The following CHGB variants were observed in gnomAD, a reference collection of about 807,000 sequenced individuals.
The protein encoded by CHGB is chromogranin B, also known as secretogranin-1.
CHGB carries 46 observed loss-of-function variants against 69.9 expected under a neutral mutation model. The ratio of observed to expected loss-of-function variants is 0.66; its 90% confidence interval spans 0.52 to 0.84. The LOEUF is 0.84. CHGB is among the 40% of genes least tolerant of loss of function. The pLI, the probability that CHGB is intolerant of heterozygous loss-of-function variation, is 0.00. For synonymous variants in CHGB, 312 were observed against 298.2 expected, an observed-to-expected ratio of 1.05 and a Z score of -0.48; for missense variants, 796 against 822.2, an observed-to-expected ratio of 0.97 and a Z score of 0.39.
In CHGB at chr20:5,911,669, C is replaced by T. The variant is rs1261353933; in HGVS notation, c.36C>T (p.Ala12=). ...CGCTGCTTCTCAGCCTCCTGGGAGC[C>T]GTGGGGCTGGCGGGTGAGTGGGCGC... The part of the protein sequence containing the change: ...QPTLLLSLLG[A]VGLAAVNSMP... Residue 12 remains alanine, a synonymous_variant, in exon 1 of 5, where the codon GCC becomes GCT. Coordinates refer to ENST00000378961, the MANE Select transcript of CHGB (RefSeq NM_001819.3). 7 of 1,488,718 alleles carry T rather than the reference C, an allele frequency of 4.7e-6. No individual in the cohort carries two copies. Among genetic ancestry groups the T allele is most frequent in the Non-Finnish European group, 6.2e-6 (7 of 1,124,312 alleles). The allele number at this position is 1,488,718 out of a possible 1,614,324, so 92.2% of individuals were successfully genotyped here. A position where few individuals can be genotyped will look rare whatever the true frequency, so the allele number is the denominator to read the frequency against.
At chr20:5,919,439 C>A (rs889855725) in intron 3 of CHGB, among the ~76,000 whole-genome samples, 1 of 152,142 alleles carries the variant, frequency 6.6e-6, no homozygotes, top group Admixed American at 6.5e-5. Flanking sequence ...AGACAAATAA[C>A]ACAAAAGAGT....
chr20:5,913,628 CTTTTTTTTTT>C (rs918275521), intron 1 of CHGB, among the ~76,000 whole-genome samples: 12 of 90,474 alleles, frequency 1.3e-4, no homozygotes, highest in African/African-American at 4.1e-4. Flanking sequence ...CTTTTCTTTT[CTTTTTTTTTT>C]TTTTTTTTTG....
At chr20:5,920,461 G>A (rs538088277) in intron 3 of CHGB, among the ~76,000 whole-genome samples, 22 of 152,344 alleles carry the variant, frequency 1.4e-4, no homozygotes, top group African/African-American at 5.3e-4. Flanking sequence ...CAAGATCAGA[G>A]TGTCTTATGA....
At chr20:5,924,154 T>C (rs946905585) in intron 4 of CHGB, 54 bp downstream of exon 4, 3 of 1,497,230 alleles carry the variant, frequency 2.0e-6, no homozygotes, top group Non-Finnish European at 2.7e-6. Context: ...TGTTAGCACA[T>C]TATGTTCAAG....
rs2122576375 is a variant in CHGB at position 5,922,558 on chromosome 20, G to A, written c.414G>A (p.Gln138=). 1 of 1,613,714 alleles carries A rather than the reference G, an allele frequency of 6.2e-7. No individual in the cohort carries two copies. Among genetic ancestry groups the A allele is most frequent in the East Asian group, 2.2e-5 (1 of 44,854 alleles). Residue 138 remains glutamine, a synonymous_variant, in exon 4 of 5, where the codon CAG becomes CAA. Transcript: ENST00000378961. ...GHSRERADEP[Q]WSLYPSDSQV... is the part of the protein sequence containing the mutation. ...GCCGAGAGCGAGCGGATGAGCCCCAGTGGAGCCTCTATCCCTCCGACAGCC... is the reference window on the plus strand; with the variant it reads ...GCCGAGAGCGAGCGGATGAGCCCCAATGGAGCCTCTATCCCTCCGACAGCC...
At position 5,911,642 on chromosome 20, in the gene CHGB, AAC is replaced by A; in HGVS notation, c.10_11del (p.Thr4AlafsTer21). On this transcript the variant is annotated frameshift_variant, in exon 1 of 5. Transcript: ENST00000378961. LOFTEE classifies it high-confidence loss of function. ...GGCCGCCGAGCGGGGCCATGCAGCCAACGCTGCTTCTCAGCCTCCTGGGAGCC... is the reference window on the plus strand; with the variant it reads ...GGCCGCCGAGCGGGGCCATGCAGCCAGCTGCTTCTCAGCCTCCTGGGAGCC... MQP[T>X]LLLSLLGAVG... The A allele has an allele frequency of 1.3e-6, 2 of 1,512,310 alleles. No homozygotes were observed. Among genetic ancestry groups the A allele is most frequent in the South Asian group, 2.4e-5 (2 of 82,406 alleles). 93.7% of individuals were successfully genotyped at this position (1,512,310 alleles called of 1,614,324 possible). A position where few individuals can be genotyped will look rare whatever the true frequency, so the allele number is the denominator to read the frequency against.
chr20:5,916,805 T>C, intron 2 of CHGB, 21 bp from the exon 3 acceptor site: 1 of 1,613,376 alleles, frequency 6.2e-7, no homozygotes, highest in Non-Finnish European at 8.5e-7. Flanking sequence ...TTCTCCAACC[T>C]GCTTTCGGGT....
Position 5,916,867 on chromosome 20 carries a change from G to A in CHGB, c.138G>A (p.Ser46=), listed in dbSNP as rs141825852. The A allele has an allele frequency of 2.0e-5, 32 of 1,614,122 alleles. No homozygotes were observed. In the African/African-American group the frequency reaches 2.3e-4, roughly 11 times the overall value. Residue 46 remains serine, a synonymous_variant, in exon 3 of 5, where the codon TCG becomes TCA. Transcript: ENST00000378961. ...TTGAGGTCCTCTCAAATGCCTTGTCGAAGTCCAGCGCTCCACCCATCACCC... is the reference window on the plus strand; with the variant it reads ...TTGAGGTCCTCTCAAATGCCTTGTCAAAGTCCAGCGCTCCACCCATCACCC... ...CIIEVLSNAL[S]KSSAPPITPE... is the part of the protein sequence containing the mutation.
chr20:5,922,289 C>T lies in CHGB; in HGVS notation c.191-46C>T, dbSNP rs764391000. The stretch of plus-strand genomic sequence containing the variant: ...ATTACTGAGGCTGGTGCTTGTGGAA[C>T]CACAAGCAATTCTGAAATTATACCT... On this transcript the variant is annotated intron_variant, in intron 3 of 4. Transcript: ENST00000378961. The T allele has an allele frequency of 4.0e-6, 6 of 1,495,008 alleles. No homozygotes were observed. In the African/African-American group the frequency reaches 5.6e-5, roughly 14 times the overall value. 92.6% of individuals were successfully genotyped at this position (1,495,008 alleles called of 1,614,324 possible).
At chr20:5,914,549 C>G (rs1275805120) in intron 1 of CHGB, 3 of 152,154 alleles carry the variant, frequency 2.0e-5, no homozygotes, top group African/African-American at 7.2e-5. Flanking sequence ...ACTGCATTAT[C>G]AAGAAGGCTT....
intron 1 of CHGB, among the ~76,000 whole-genome samples, chr20:5,915,156 T>C (rs1408464827): frequency 6.6e-6 from 1 of 152,176 alleles, no homozygotes; most frequent in Non-Finnish European, 1.5e-5. Flanking sequence ...GTAAATGCTT[T>C]GGGCTGTTCT....
At chr20:5,924,123 A>T in intron 4 of CHGB, 23 bp downstream of exon 4, 1 of 1,559,526 alleles carries the variant, frequency 6.4e-7, no homozygotes, top group East Asian at 2.3e-5. Context: ...GCTTCTGTTT[A>T]AAAGTACTTA....
chr20:5,923,687 A>G lies in CHGB; in HGVS notation c.1543A>G (p.Arg515Gly). ...TAGCTCCCATCACACAGCTGAAAAG[A>G]GGAAGAGATTAGGGGAACTGTTCAA... Reference protein sequence around the residue: ...QYSSHHTAEKRKRLGELFNPY... With the variant: ...QYSSHHTAEKGKRLGELFNPY... Residue 515 changes from arginine (R) to glycine (G), a missense_variant, in exon 4 of 5, where the codon AGG becomes GGG. By Grantham distance (125) the Arg-to-Gly change is moderately radical (BLOSUM62 -2). Transcript: ENST00000378961. 1 of 1,614,160 alleles carries G rather than the reference A, an allele frequency of 6.2e-7. No individual in the cohort carries two copies. The highest frequency in any genetic ancestry group is 8.5e-7 in the Non-Finnish European group (1 of 1,180,044).
chr20:5,918,163 A>AAAAAAACAAACAAACAAAC (rs2088489916), intron 3 of CHGB, among the ~76,000 whole-genome samples: 1 of 147,638 alleles, frequency 6.8e-6, no homozygotes, highest in African/African-American at 2.6e-5. Flanking sequence ...AAAAAAAAAA[A>AAAAAAACAAACAAACAAAC]AAAAAAAACT....
At position 5,923,706 on chromosome 20, in the gene CHGB, T is replaced by C. The variant is rs576806593; in HGVS notation, c.1562T>C (p.Leu521Pro). The change falls in exon 4 of 5, where the codon CTG becomes CCG. Residue 521 changes from leucine to proline, a missense_variant. By Grantham distance (98) the Leu-to-Pro change is moderately conservative (BLOSUM62 -3). This residue lies in a region of CHGB where 274 missense variants were observed against 298.9 expected (regional missense o/e 0.92). Coordinates refer to ENST00000378961, the MANE Select transcript of CHGB (RefSeq NM_001819.3). ...TAEKRKRLGE[L>P]FNPYYDPLQW... ...GAAAAGAGGAAGAGATTAGGGGAACTGTTCAACCCATACTACGACCCTCTC... is the reference window on the plus strand; with the variant it reads ...GAAAAGAGGAAGAGATTAGGGGAACCGTTCAACCCATACTACGACCCTCTC... 1.6e-5 allele frequency: 26 copies of C among 1,614,098 alleles called. No individual in the cohort carries two copies. The South Asian group carries it at 2.7e-4, about 17-fold the overall frequency.
intron 3 of CHGB, among the ~76,000 whole-genome samples, chr20:5,921,651 C>T (rs1385243688): frequency 2.6e-5 from 4 of 152,162 alleles, no homozygotes; most frequent in African/African-American, 9.7e-5. Flanking sequence ...TGGATGGAAC[C>T]TGAGTGAAGA....
In CHGB at chr20:5,923,447, A is replaced by G. The variant is rs1240662341; in HGVS notation, c.1303A>G (p.Arg435Gly). The change falls in exon 4 of 5, where the codon AGA (arginine) becomes GGA (glycine). Residue 435 changes from arginine to glycine, a missense_variant. Physicochemically the swap from Arg to Gly is moderately radical, Grantham distance 125. Around this residue, in one of 3 missense-constraint regions of CHGB, gnomAD observed 274 missense variants for 298.9 expected, o/e 0.92. Coordinates refer to ENST00000378961, the MANE Select transcript of CHGB (RefSeq NM_001819.3). The stretch of plus-strand genomic sequence containing the variant: ...ACGTGCCTATTTCATGTCTGACACC[A>G]GAGAAGAGAAAAGGTTCTTGGGTGA... ...EPRAYFMSDT[R>G]EEKRFLGEGH... 1.1e-5 allele frequency: 18 copies of G among 1,614,158 alleles called. No individual in the cohort carries two copies. Among genetic ancestry groups the G allele is most frequent in the Non-Finnish European group, 1.5e-5 (18 of 1,180,038 alleles).
At chr20:5,916,698 C>A in intron 2 of CHGB, 128 bp from the exon 3 acceptor site, 2 of 823,876 alleles carry the variant, frequency 2.4e-6, no homozygotes, top group Admixed American at 1.9e-5. Context: ...AAATCTGTAT[C>A]TCCGCCCTAA....
intron 2 of CHGB, 35 bp downstream of exon 2, chr20:5,916,407 G>A: frequency 1.3e-6 from 2 of 1,537,704 alleles, no homozygotes; most frequent in Non-Finnish European, 1.8e-6. Context: ...ATCTAGACTT[G>A]TGTCTAGACT....
Sources: allele counts gnomAD v4.1 joint callset (sites outside exome capture counted in the v4.1 genomes callset), GRCh38; gene constraint gnomAD v4.1.1; regional missense constraint gnomAD v4.1.1; transcripts MANE v1.5; gene names NCBI Gene and HGNC (gene_info 2026-07-23, HGNC 2026-07-21).